Variants in CDKAL1 observed in about 807,000 individuals in gnomAD.
CDKAL1 encodes CDKAL1 threonylcarbamoyladenosine tRNA methylthiotransferase.
Under a neutral mutation model 68.2 loss-of-function variants are expected in CDKAL1, and 32 were observed. That is an observed-to-expected ratio of 0.47 (90% CI 0.35 to 0.63). The LOEUF is 0.63. Ranked by LOEUF, CDKAL1 falls within the 30% of genes least tolerant of loss-of-function variation. CDKAL1 has a pLI of 0.00. For missense variants in CDKAL1, 606 were observed against 696.7 expected, an observed-to-expected ratio of 0.87 and a Z score of 1.47; for synonymous variants, 234 against 244.3, an observed-to-expected ratio of 0.96 and a Z score of 0.39.
At chr6:21,013,414 A>G (rs568197968) in intron 11 of CDKAL1, among the ~76,000 whole-genome samples, 1 of 152,144 alleles carries the variant, frequency 6.6e-6, no homozygotes. Flanking sequence ...GTAAATGTAT[A>G]TATTTATGGG....
chr6:21,070,447 G>T, intron 12 of CDKAL1, among the ~76,000 whole-genome samples: 1 of 142,612 alleles, frequency 7.0e-6, no homozygotes. Flanking sequence ...GTCTTCCCTG[G>T]ATTTCACTGG....
At chr6:20,813,057 C>G (rs1441517557) in intron 8 of CDKAL1, among the ~76,000 whole-genome samples, 1 of 152,104 alleles carries the variant, frequency 6.6e-6, no homozygotes, top group African/African-American at 2.4e-5. Flanking sequence ...ATTTGGATTT[C>G]TTTAATGACT....
chr6:20,889,174 G>A (rs12055630), intron 9 of CDKAL1, among the ~76,000 whole-genome samples: 335 of 151,522 alleles, frequency 2.2e-3, no homozygotes, highest in Non-Finnish European at 3.4e-3. Flanking sequence ...GTCTTCTTTT[G>A]AGAAGTGTCT....
intron 4 of CDKAL1, among the ~76,000 whole-genome samples, chr6:20,553,046 T>C (rs1055766817): frequency 6.6e-6 from 1 of 152,196 alleles, no homozygotes; most frequent in Non-Finnish European, 1.5e-5. Flanking sequence ...ATATACCTTA[T>C]GTATAATGTA....
intron 9 of CDKAL1, among the ~76,000 whole-genome samples, chr6:20,867,954 A>C (rs1759995654): frequency 1.3e-5 from 2 of 152,200 alleles, no homozygotes; most frequent in South Asian, 4.1e-4. Context: ...TATATAGTAC[A>C]TCTATATGGA....
rs181662043 is a variant in CDKAL1 at position 20,767,641 on chromosome 6, G to A, written c.517+8998G>A. 8.5e-5 allele frequency among the ~76,000 whole-genome samples: 13 copies of A among 152,230 alleles called. No homozygotes were observed. In the East Asian group the frequency reaches 9.6e-4, roughly 11 times the overall value. ...TGATAATTGGAATAATTAATTAGGT[G>A]TAGGATAAACTTTTCTTTAGTGATG... On this transcript the variant is annotated intron_variant, in intron 7 of 15. Transcript: ENST00000274695.
chr6:21,197,588 G>C (rs1253696457), intron 13 of CDKAL1, among the ~76,000 whole-genome samples: 1 of 152,162 alleles, frequency 6.6e-6, no homozygotes, highest in African/African-American at 2.4e-5. Context: ...TAACTCAAAT[G>C]AATGTTTATT....
chr6:20,571,342 T>C (rs1764692924), intron 4 of CDKAL1, among the ~76,000 whole-genome samples: 1 of 139,530 alleles, frequency 7.2e-6, no homozygotes, highest in South Asian at 2.2e-4. Context: ...ATCATAAGCC[T>C]GTTGTGTTAT....
intron 13 of CDKAL1, among the ~76,000 whole-genome samples, chr6:21,185,931 A>T (rs1235699492): frequency 1.3e-5 from 2 of 152,140 alleles, no homozygotes; most frequent in Non-Finnish European, 2.9e-5. Context: ...CAGGAGAGGA[A>T]ATCAGAATAA....
intron 7 of CDKAL1, among the ~76,000 whole-genome samples, chr6:20,769,242 C>G (rs1774830761): frequency 7.0e-6 from 1 of 142,112 alleles, no homozygotes; most frequent in Non-Finnish European, 1.5e-5. Context: ...ATGTCATTCA[C>G]AAACTTGTGA....
At chr6:20,913,432 T>C (rs1004406346) in intron 9 of CDKAL1, among the ~76,000 whole-genome samples, 4 of 152,118 alleles carry the variant, frequency 2.6e-5, no homozygotes, top group African/African-American at 7.2e-5. Context: ...CTCTCCAATA[T>C]GGCAGCTCAC....
intron 4 of CDKAL1, among the ~76,000 whole-genome samples, chr6:20,578,287 A>T (rs1017790475): frequency 2.0e-5 from 3 of 152,160 alleles, no homozygotes; most frequent in Non-Finnish European, 4.4e-5. Flanking sequence ...CAAACAAGGT[A>T]GGGGATATTT....
At chr6:20,926,069 C>G (rs1205903683) in intron 9 of CDKAL1, among the ~76,000 whole-genome samples, 1 of 152,014 alleles carries the variant, frequency 6.6e-6, no homozygotes, top group Non-Finnish European at 1.5e-5. Flanking sequence ...ACAATATTGC[C>G]TTTTATTTAG....
chr6:20,549,312 A>G (rs1763724436), intron 4 of CDKAL1, among the ~76,000 whole-genome samples: 1 of 152,146 alleles, frequency 6.6e-6, no homozygotes, highest in Admixed American at 6.5e-5. Context: ...TTTGGCAAGC[A>G]GAGAACAGAA....
At chr6:20,725,783 TAAAAAAAAAAAA>T (rs67587689) in intron 5 of CDKAL1, among the ~76,000 whole-genome samples, 1 of 99,084 alleles carries the variant, frequency 1.0e-5, no homozygotes. Context: ...AAACTCCGTC[TAAAAAAAAAAAA>T]AAAAAAAAAG....
intron 8 of CDKAL1, chr6:20,800,754 C>T (rs888079025): frequency 2.6e-5 from 4 of 152,296 alleles, no homozygotes; most frequent in African/African-American, 9.7e-5. Flanking sequence ...TCTTGAGTAG[C>T]TGAAACAACA....
intron 11 of CDKAL1, among the ~76,000 whole-genome samples, chr6:21,015,817 G>A (rs1171781056): frequency 3.3e-5 from 5 of 151,666 alleles, no homozygotes; most frequent in Admixed American, 6.6e-5. Flanking sequence ...ATCCCATGGC[G>A]CGCGCCTATA....
intron 5 of CDKAL1, among the ~76,000 whole-genome samples, chr6:20,678,030 A>AAGGTGTAT (rs1259867118): frequency 3.3e-5 from 5 of 150,954 alleles, no homozygotes; most frequent in African/African-American, 1.2e-4. Flanking sequence ...GCTTGAAAAG[A>AAGGTGTAT]AGGTGTATTC....
At chr6:20,888,130 C>T (rs974953851) in intron 9 of CDKAL1, among the ~76,000 whole-genome samples, 9 of 151,752 alleles carry the variant, frequency 5.9e-5, no homozygotes, top group East Asian at 3.9e-4. Flanking sequence ...CCCGCATTCC[C>T]GCACCCCATG....
Sources: gnomAD v4.1 joint callset for allele counts (sites outside exome capture counted in the v4.1 genomes callset) on GRCh38, gnomAD v4.1.1 for gene constraint, MANE v1.5 for transcripts, NCBI Gene and HGNC (gene_info 2026-07-23, HGNC 2026-07-21) for gene names.